DENND1A: variants seen among roughly 807,000 people sequenced by gnomAD.
DENND1A encodes the protein DENN domain containing 1A.
DENND1A carries 51 observed loss-of-function variants against 113.7 expected under a neutral mutation model. That is an observed-to-expected ratio of 0.45 (90% CI 0.36 to 0.57). The LOEUF is 0.57. Ranked by LOEUF, DENND1A falls within the 20% of genes least tolerant of loss-of-function variation. The pLI is 0.00. For missense variants in DENND1A, 1,258 were observed against 1,395.9 expected (o/e 0.90, Z 1.57); for synonymous variants, 565 against 570.8 (o/e 0.99, Z 0.14).
At chr9:123,915,942 G>C (rs1588232772) in intron 1 of DENND1A, among the ~76,000 whole-genome samples, 2 of 152,244 alleles carry the variant, frequency 1.3e-5, no homozygotes, top group East Asian at 3.9e-4. Context: ...GTGGGAATAT[G>C]AATTGGCACA....
At chr9:123,872,493 A>T (rs888811952) in intron 2 of DENND1A, among the ~76,000 whole-genome samples, 3 of 152,130 alleles carry the variant, frequency 2.0e-5, no homozygotes, top group Non-Finnish European at 4.4e-5. Context: ...TTCAGAAAAA[A>T]AGTTTTTATA....
chr9:123,469,413 G>A (rs2133310843), intron 13 of DENND1A, among the ~76,000 whole-genome samples: 1 of 152,368 alleles, frequency 6.6e-6, no homozygotes, highest in East Asian at 1.9e-4. Flanking sequence ...GGTATTGACA[G>A]AAGCCCCCAC....
At chr9:123,657,212 TG>T (rs2062997556) in intron 8 of DENND1A, among the ~76,000 whole-genome samples, 1 of 152,198 alleles carries the variant, frequency 6.6e-6, no homozygotes, top group Admixed American at 6.5e-5. Context: ...GCGAACCCCC[TG>T]TGGCTCTAAA....
intron 22 of DENND1A, among the ~76,000 whole-genome samples, chr9:123,387,523 T>C (rs1220124276): frequency 6.6e-6 from 1 of 152,198 alleles, no homozygotes; most frequent in Non-Finnish European, 1.5e-5. Context: ...TCACAGCCTC[T>C]GTGGAGCTGG....
chr9:123,751,493 T>C (rs1042838634), intron 5 of DENND1A: 1 of 152,148 alleles, frequency 6.6e-6, no homozygotes, highest in African/African-American at 2.4e-5. Context: ...CTTCAAACAA[T>C]AACCAGAAAA....
At chr9:123,547,520 G>A (rs2056780693) in intron 13 of DENND1A, among the ~76,000 whole-genome samples, 1 of 152,134 alleles carries the variant, frequency 6.6e-6, no homozygotes, top group South Asian at 2.1e-4. Context: ...CAAGAGTGAA[G>A]CTCTGTCTCA....
chr9:123,878,006 C>T (rs1470639583), intron 2 of DENND1A, among the ~76,000 whole-genome samples: 2 of 151,804 alleles, frequency 1.3e-5, no homozygotes, highest in Non-Finnish European at 1.5e-5. Flanking sequence ...ATGCCTTCTC[C>T]GTGCCTGACC....
chr9:123,772,261 A>T (rs1428223629), intron 3 of DENND1A, among the ~76,000 whole-genome samples: 1 of 152,240 alleles, frequency 6.6e-6, no homozygotes, highest in Non-Finnish European at 1.5e-5. Context: ...AAGAAAAATA[A>T]AATTATTCGA....
At chr9:123,386,382 T>TTTC (rs1389651231) in intron 22 of DENND1A, among the ~76,000 whole-genome samples, 1 of 10,354 alleles carries the variant, frequency 9.7e-5, no homozygotes, top group African/African-American at 2.7e-4. Context: ...CTTTTCTTTC[T>TTTC]TTTTTTTTTT....
In DENND1A at chr9:123,818,557, CACACACACACATAT is replaced by C. The variant is rs1169114606; in HGVS notation, c.89-25941_89-25928del. Reference sequence around the variant, plus strand: ...ACACACACACACACACACACACACACACACACACACATATATATATATATATAAAATGAGATCTT... The same window carrying C: ...ACACACACACACACACACACACACACATATATATATATAAAATGAGATCTT... On this transcript the variant is annotated intron_variant, in intron 2 of 23. Coordinates refer to ENST00000394215, the MANE Select transcript of DENND1A (RefSeq NM_001352964.2). Among the ~76,000 whole-genome samples, 30 of 132,328 alleles carry C rather than the reference CACACACACACATAT, an allele frequency of 2.3e-4. No individual in the cohort carries two copies. In the Middle Eastern group the frequency reaches 0.011, roughly 49 times the overall value. The allele number at this position is 132,328 out of a possible 152,430, so 86.8% of individuals were successfully genotyped here. A position where few individuals can be genotyped will look rare whatever the true frequency, so the allele number is the denominator to read the frequency against.
intron 11 of DENND1A, among the ~76,000 whole-genome samples, chr9:123,598,331 A>G (rs1318058118): frequency 6.6e-6 from 1 of 152,138 alleles, no homozygotes; most frequent in Non-Finnish European, 1.5e-5. Flanking sequence ...CCAGTTGTGC[A>G]GCAGTGCATA....
chr9:123,928,554 G>T, intron 1 of DENND1A: 1 of 985,154 alleles, frequency 1.0e-6, no homozygotes. Flanking sequence ...CAAAAATAAA[G>T]ATTTAACAGA....
chr9:123,619,842 A>G (rs1346122472), intron 10 of DENND1A, among the ~76,000 whole-genome samples: 3 of 152,206 alleles, frequency 2.0e-5, no homozygotes, highest in Admixed American at 1.3e-4. Context: ...AGATCAGCAC[A>G]GAATCTGTAA....
At chr9:123,920,479 A>G (rs1022513451) in intron 1 of DENND1A, among the ~76,000 whole-genome samples, 1 of 152,246 alleles carries the variant, frequency 6.6e-6, no homozygotes, top group African/African-American at 2.4e-5. Flanking sequence ...GTACCAGTTA[A>G]ACAGAGATAA....
intron 12 of DENND1A, among the ~76,000 whole-genome samples, chr9:123,579,430 C>T (rs1427467714): frequency 6.6e-6 from 1 of 151,998 alleles, no homozygotes; most frequent in Non-Finnish European, 1.5e-5. Context: ...ATTACATTCA[C>T]TGATGGAATA....
chr9:123,501,734 A>G (rs138961750), intron 13 of DENND1A, among the ~76,000 whole-genome samples: 1,750 of 152,316 alleles, frequency 0.011, 32 homozygotes, highest in African/African-American at 0.04. Flanking sequence ...TCCACCCTTA[A>G]TCTGGTGGGC....
intron 1 of DENND1A, among the ~76,000 whole-genome samples, chr9:123,923,396 TG>T (rs1856610537): frequency 6.6e-6 from 1 of 152,140 alleles, no homozygotes; most frequent in South Asian, 2.1e-4. Flanking sequence ...CATTCTCCTT[TG>T]GGGACAGGGA....
At chr9:123,597,903 G>T (rs1381761503) in intron 11 of DENND1A, among the ~76,000 whole-genome samples, 1 of 152,140 alleles carries the variant, frequency 6.6e-6, no homozygotes, top group African/African-American at 2.4e-5. Context: ...ACCCCATCTT[G>T]CAGACAACGT....
intron 9 of DENND1A, among the ~76,000 whole-genome samples, chr9:123,650,125 T>C (rs115156097): frequency 2.9e-3 from 437 of 152,342 alleles, no homozygotes; most frequent in African/African-American, 1.0e-2. Flanking sequence ...ATGATAGATG[T>C]GGTTGACAAT....
Sources: gnomAD v4.1 joint callset for allele counts (sites outside exome capture counted in the v4.1 genomes callset) on GRCh38, gnomAD v4.1.1 for gene constraint, MANE v1.5 for transcripts, NCBI Gene and HGNC (gene_info 2026-07-23, HGNC 2026-07-21) for gene names.